Variants in NAV2 observed in about 807,000 individuals in gnomAD.
NAV2 encodes the protein helicase, APC down-regulated 1.
Under a neutral mutation model 223.2 loss-of-function variants are expected in NAV2, and 54 were observed. The observed-to-expected ratio is 0.24, with a 90% CI of 0.19 to 0.30. The LOEUF (loss-of-function observed/expected upper bound fraction) is 0.30. Among genes scored for constraint, NAV2 ranks in the 10% least tolerant of loss-of-function variants. The pLI is 1.00. For missense variants in NAV2, 2,806 were observed against 3,147.5 expected (o/e 0.89, Z 2.60); for synonymous variants, 1,279 against 1,239.3 (o/e 1.03, Z -0.67).
intron 6 of NAV2, among the ~76,000 whole-genome samples, chr11:19,896,958 C>T (rs1234049695): frequency 1.3e-5 from 2 of 152,036 alleles, no homozygotes; most frequent in Non-Finnish European, 2.9e-5. Context: ...GCACTATTCA[C>T]AATAGCAAAG....
At chr11:19,707,906 G>C (rs79407787), upstream of NAV2, among the ~76,000 whole-genome samples, 5,621 of 152,242 alleles carry the variant, frequency 0.037, 164 homozygotes, top group Non-Finnish European at 0.057. Flanking sequence ...ATTATATGCA[G>C]TCAGTCATTG....
chr11:19,725,657 G>A (rs1054971866), intron 1 of NAV2, among the ~76,000 whole-genome samples: 3 of 152,178 alleles, frequency 2.0e-5, no homozygotes, highest in Non-Finnish European at 4.4e-5. Flanking sequence ...TTGCAGAGCA[G>A]AAACCAATAT....
intron 1 of NAV2, among the ~76,000 whole-genome samples, chr11:19,491,831 T>C (rs942655735): frequency 6.6e-6 from 1 of 152,210 alleles, no homozygotes; most frequent in Admixed American, 6.5e-5. Flanking sequence ...TAATAGTTTC[T>C]AGCTTTTGAT....
chr11:19,945,665 C>T (rs1459200334), intron 8 of NAV2, among the ~76,000 whole-genome samples: 2 of 152,174 alleles, frequency 1.3e-5, no homozygotes, highest in Non-Finnish European at 2.9e-5. Context: ...CTTACAGGCT[C>T]CCTGCTCTAG....
At chr11:19,930,276 C>T (rs2045202913) in intron 6 of NAV2, among the ~76,000 whole-genome samples, 1 of 152,028 alleles carries the variant, frequency 6.6e-6, no homozygotes. Flanking sequence ...CAGTTATTAG[C>T]TACTTAGTTG....
chr11:20,067,503 G>A (rs1163357419), intron 20 of NAV2, among the ~76,000 whole-genome samples: 1 of 151,966 alleles, frequency 6.6e-6, no homozygotes. Context: ...TTTTTGAGAC[G>A]GGTAGCCTCT....
intron 1 of NAV2, among the ~76,000 whole-genome samples, chr11:19,575,543 G>T (rs568067469): frequency 6.6e-6 from 1 of 152,282 alleles, no homozygotes; most frequent in African/African-American, 2.4e-5. Flanking sequence ...CTCTGTACCC[G>T]CAGGAGAAGC....
intron 6 of NAV2, among the ~76,000 whole-genome samples, chr11:19,906,933 T>A (rs1408609775): frequency 6.6e-6 from 1 of 152,228 alleles, no homozygotes; most frequent in Non-Finnish European, 1.5e-5. Context: ...GTGATGAAGA[T>A]GATCCAAATG....
At chr11:19,974,245 C>T (rs1011236304) in intron 10 of NAV2, among the ~76,000 whole-genome samples, 2 of 152,182 alleles carry the variant, frequency 1.3e-5, no homozygotes, top group Non-Finnish European at 2.9e-5. Context: ...GCCTGACTAC[C>T]TGCAAGAGAA....
At chr11:19,606,480 C>T (rs1462846395) in intron 1 of NAV2, among the ~76,000 whole-genome samples, 1 of 152,176 alleles carries the variant, frequency 6.6e-6, no homozygotes, top group African/African-American at 2.4e-5. Context: ...CCATTTTCCA[C>T]TTTTTTCTCC....
At chr11:19,717,645 G>A (rs963353442) in intron 1 of NAV2, among the ~76,000 whole-genome samples, 1 of 152,246 alleles carries the variant, frequency 6.6e-6, no homozygotes, top group African/African-American at 2.4e-5. Flanking sequence ...CTTTGCAGCT[G>A]AAGGATTGGA....
At chr11:19,703,317 T>G (rs2049564113) in intron 1 of NAV2, among the ~76,000 whole-genome samples, 1 of 152,190 alleles carries the variant, frequency 6.6e-6, no homozygotes, top group South Asian at 2.1e-4. Flanking sequence ...AGGTCAGACA[T>G]TGACCAGCAG....
chr11:20,068,477 G>A, intron 22 of NAV2, 79 bp downstream of exon 22: 3 of 1,051,772 alleles, frequency 2.9e-6, no homozygotes, highest in Admixed American at 1.7e-5. Flanking sequence ...GTCCTCCTGT[G>A]CTGAACAAAT....
At chr11:19,804,732 G>T (rs896612382) in intron 1 of NAV2, among the ~76,000 whole-genome samples, 5 of 152,322 alleles carry the variant, frequency 3.3e-5, no homozygotes, top group African/African-American at 9.6e-5. Flanking sequence ...GGGATATGGA[G>T]ATAATGATCA....
At chr11:19,416,365 A>T (rs1850369498) in intron 1 of NAV2, among the ~76,000 whole-genome samples, 1 of 152,214 alleles carries the variant, frequency 6.6e-6, no homozygotes, top group Admixed American at 6.5e-5. Context: ...AGTGAATAAA[A>T]TACCTAGGAA....
chr11:19,520,069 C>T (rs892469950), intron 1 of NAV2, among the ~76,000 whole-genome samples: 3 of 152,230 alleles, frequency 2.0e-5, no homozygotes, highest in Non-Finnish European at 2.9e-5. Context: ...GGCCTGAGGG[C>T]ACTGAGGTCC....
rs369895690 is a variant in NAV2, at chr11:20,106,155, G to GTGTATATATATA, written c.6841+429_6841+430insGTATATATATAT. 1.1e-3 allele frequency among the ~76,000 whole-genome samples: 35 copies of GTGTATATATATA among 31,492 alleles called. 5 individuals are homozygous for GTGTATATATATA. The highest frequency in any genetic ancestry group is 1.3e-3 in the African/African-American group (20 of 15,202). 20.7% of individuals were successfully genotyped at this position (31,492 alleles called of 152,430 possible). A position where few individuals can be genotyped will look rare whatever the true frequency, so the allele number is the denominator to read the frequency against. On this transcript the variant is annotated intron_variant, in intron 35 of 37. Transcript: ENST00000349880. ...TGTCCTTGTTCATATGTGTGTGTGT[G>GTGTATATATATA]TATATATATATATATATATATGTGT... is the stretch of plus-strand genomic sequence containing the variant.
chr11:19,648,184 A>G (rs1196408036), intron 1 of NAV2, among the ~76,000 whole-genome samples: 4 of 152,246 alleles, frequency 2.6e-5, no homozygotes, highest in Non-Finnish European at 5.9e-5. Context: ...ATTAAAAACG[A>G]AGGTAATAAA....
At chr11:19,715,552 A>T (rs2050234879) in intron 1 of NAV2, among the ~76,000 whole-genome samples, 1 of 152,138 alleles carries the variant, frequency 6.6e-6, no homozygotes, top group Non-Finnish European at 1.5e-5. Flanking sequence ...GCACCCGAGG[A>T]ATGAGAGGGA....
Sources: gnomAD v4.1 joint callset for allele counts (sites outside exome capture counted in the v4.1 genomes callset) on GRCh38, gnomAD v4.1.1 for gene constraint, MANE v1.5 for transcripts, NCBI Gene and HGNC (gene_info 2026-07-23, HGNC 2026-07-21) for gene names.